The following PLBD2 variants were observed in gnomAD, a reference collection of about 807,000 sequenced individuals.
PLBD2 encodes the protein putative aminopeptidase PLBD2.
PLBD2 carries 51 observed loss-of-function variants against 68.3 expected under a neutral mutation model. The ratio of observed to expected loss-of-function variants is 0.75; its 90% CI spans 0.60 to 0.94. PLBD2 has a LOEUF of 0.94. PLBD2 is among the 40% of genes least tolerant of loss of function. The pLI, the probability that PLBD2 is intolerant of heterozygous loss-of-function variation, is 0.00. For missense variants in PLBD2, 729 were observed against 792.2 expected (o/e 0.92, Z 0.96); for synonymous variants, 314 against 339.3 (o/e 0.93, Z 0.82).
intron 10 of PLBD2, 56 bp from the exon 11 acceptor site, chr12:113,387,688 C>T: frequency 6.4e-7 from 1 of 1,567,304 alleles, no homozygotes; most frequent in Non-Finnish European, 8.7e-7. Flanking sequence ...ATTTTGGCCC[C>T]CGTCTTAGCC....
chr12:113,380,908 A>G, intron 6 of PLBD2, 66 bp downstream of exon 6: 2 of 1,444,750 alleles, frequency 1.4e-6, no homozygotes, highest in South Asian at 2.4e-5. Flanking sequence ...CTGAGCTGGC[A>G]GGATTGATTC....
intron 1 of PLBD2, among the ~76,000 whole-genome samples, chr12:113,368,568 G>A (rs1004848266): frequency 5.3e-5 from 8 of 152,334 alleles, no homozygotes; most frequent in African/African-American, 9.6e-5. Context: ...AGCAGGTCAC[G>A]TGACACAACC....
At position 113,379,717 on chromosome 12, in the gene PLBD2, C is replaced by T. The variant is rs986217675; in HGVS notation, c.860-1028C>T. ...ATCCCAGCTACTCGGGAGGCTGAGG[C>T]AGGAGAAGCGCTTACAACTGGGAGG... On this transcript the variant is annotated intron_variant, in intron 5 of 11. Transcript: ENST00000280800. Among the ~76,000 whole-genome samples, 20 of 152,048 alleles carry T rather than the reference C, an allele frequency of 1.3e-4. 1 individual carries two copies. The highest frequency in any genetic ancestry group is 4.8e-4 in the African/African-American group (20 of 41,496).
At chr12:113,362,331 A>G (rs888404512) in intron 1 of PLBD2, among the ~76,000 whole-genome samples, 8 of 140,340 alleles carry the variant, frequency 5.7e-5, no homozygotes, top group African/African-American at 2.2e-4. Flanking sequence ...TGTCTCAAAT[A>G]AAAAAAAAAA....
chr12:113,376,764 C>G (rs1593286363), intron 5 of PLBD2: 1 of 152,230 alleles, frequency 6.6e-6, no homozygotes, highest in Admixed American at 6.5e-5. Flanking sequence ...CTGCAGTGAA[C>G]AGTGATCACG....
At chr12:113,382,550 C>T (rs530961283) in intron 6 of PLBD2, among the ~76,000 whole-genome samples, 3 of 151,924 alleles carry the variant, frequency 2.0e-5, no homozygotes, top group Admixed American at 6.6e-5. Context: ...CTCAAGCGAT[C>T]CTCCCATCTC....
intron 5 of PLBD2, 47 bp downstream of exon 5, chr12:113,375,054 C>T (rs1957427866): frequency 1.3e-6 from 2 of 1,571,756 alleles, no homozygotes; most frequent in Non-Finnish European, 1.7e-6. Flanking sequence ...TGGGTGGGCA[C>T]ACACGTGGGG....
intron 11 of PLBD2, 60 bp from the exon 12 acceptor site, chr12:113,388,399 G>C (rs899411641): frequency 2.8e-6 from 4 of 1,450,612 alleles, no homozygotes; most frequent in Non-Finnish European, 3.6e-6. Flanking sequence ...TGGGAGGCTG[G>C]GTGCCTGGAT....
chr12:113,368,689 G>GT, intron 1 of PLBD2, among the ~76,000 whole-genome samples: 1 of 152,148 alleles, frequency 6.6e-6, no homozygotes. Flanking sequence ...ATAAGTCTGT[G>GT]TTTTAATTTC....
chr12:113,364,087 T>C (rs1010009424), intron 1 of PLBD2, among the ~76,000 whole-genome samples: 1 of 152,234 alleles, frequency 6.6e-6, no homozygotes, highest in African/African-American at 2.4e-5. Context: ...GGAAGGCCCG[T>C]CTTTTCTGGC....
chr12:113,377,979 G>C (rs1220332671), intron 5 of PLBD2, among the ~76,000 whole-genome samples: 2 of 152,132 alleles, frequency 1.3e-5, no homozygotes, highest in South Asian at 4.1e-4. Flanking sequence ...TGAACATTTG[G>C]TTATGTTTTC....
chr12:113,374,706 G>C lies in PLBD2; in HGVS notation c.645-87G>C, dbSNP rs556997160. ...CTTGGAACAGTCAGCTGACTTCCCA[G>C]AGCCTCAGCTTTCTCCTCTGCAAAA... On this transcript the variant is annotated intron_variant, in intron 4 of 11. Transcript: ENST00000280800. The C allele has an allele frequency of 4.9e-5, 75 of 1,533,478 alleles. No homozygotes were observed. In the African/African-American group the frequency reaches 6.7e-4, roughly 14 times the overall value. 95.0% of individuals were successfully genotyped at this position (1,533,478 alleles called of 1,614,324 possible). A position where few individuals can be genotyped will look rare whatever the true frequency, so the allele number is the denominator to read the frequency against.
intron 1 of PLBD2, among the ~76,000 whole-genome samples, chr12:113,361,738 G>A (rs539740518): frequency 8.2e-4 from 125 of 152,228 alleles, no homozygotes; most frequent in South Asian, 4.4e-3. Context: ...GATCAGAGAT[G>A]TCACTAGGAG....
intron 11 of PLBD2, among the ~76,000 whole-genome samples, 171 bp downstream of exon 11, chr12:113,388,077 C>T (rs1395370122): frequency 6.6e-6 from 1 of 152,134 alleles, no homozygotes; most frequent in Admixed American, 6.5e-5. Context: ...CACGGTGGCT[C>T]ATGCCTGTAA....
intron 2 of PLBD2, among the ~76,000 whole-genome samples, chr12:113,369,793 G>T (rs1399571476): frequency 6.6e-6 from 1 of 152,116 alleles, no homozygotes; most frequent in Non-Finnish European, 1.5e-5. Context: ...GGAGTGGGGA[G>T]TGACTGCTGA....
intron 1 of PLBD2, among the ~76,000 whole-genome samples, chr12:113,360,928 G>A (rs531768420): frequency 2.0e-5 from 3 of 152,168 alleles, no homozygotes; most frequent in East Asian, 1.9e-4. Flanking sequence ...GCTTGTTTTC[G>A]GCACCCTCTC....
chr12:113,384,822 GT>G lies in PLBD2; in HGVS notation c.1119-27del, dbSNP rs1435230794. 3 of 1,599,944 alleles carry G rather than the reference GT, an allele frequency of 1.9e-6. No homozygotes were observed. In the African/African-American group the frequency reaches 4.0e-5, roughly 21 times the overall value. On this transcript the variant is annotated intron_variant, in intron 7 of 11. Coordinates refer to ENST00000280800, the MANE Select transcript of PLBD2 (RefSeq NM_173542.4). This position sits in a 1 kb window ranked among gnomAD's most constrained non-coding sequence, Gnocchi z 4.2. ...AGCTGGGGAGGTGGCTCCAGGCTCT[GT>G]TCAGTCCTCCCTTCCCCTGCCCGGC... is the stretch of plus-strand genomic sequence containing the variant.
chr12:113,385,015 C>T lies in PLBD2; in HGVS notation c.1214+69C>T, dbSNP rs374562167. The T allele has an allele frequency of 1.2e-4, 177 of 1,465,596 alleles. No homozygotes were observed. The South Asian group carries it at 1.3e-3, about 10-fold the overall frequency. 90.8% of individuals were successfully genotyped at this position (1,465,596 alleles called of 1,614,324 possible). ...GACTGCCAGGGTGAAGGCCCAGAGC[C>T]GTGCTGGCGCTGTGCAGGAAGTGAA... On this transcript the variant is annotated intron_variant, in intron 8 of 11. Coordinates refer to ENST00000280800, the MANE Select transcript of PLBD2 (RefSeq NM_173542.4).
intron 9 of PLBD2, among the ~76,000 whole-genome samples, chr12:113,385,608 A>T (rs1239570395): frequency 1.3e-5 from 2 of 152,144 alleles, no homozygotes; most frequent in African/African-American, 4.8e-5. Context: ...CTTTACCTGC[A>T]TTTTCTCATT....
Sources: allele counts gnomAD v4.1 joint callset (sites outside exome capture counted in the v4.1 genomes callset), GRCh38; gene constraint gnomAD v4.1.1; non-coding constraint Gnocchi (gnomAD v3.1); transcripts MANE v1.5; gene names NCBI Gene and HGNC (gene_info 2026-07-23, HGNC 2026-07-21).